Variants in PLA2G4A observed in about 807,000 individuals in gnomAD.
The protein encoded by PLA2G4A is cytosolic phospholipase A2.
PLA2G4A carries 40 observed loss-of-function variants against 81.9 expected under a neutral mutation model. That is an observed-to-expected ratio of 0.49 (90% CI 0.38 to 0.64). The LOEUF (loss-of-function observed/expected upper bound fraction) is 0.64, where lower values mean the gene tolerates loss of function less well. Among genes scored for constraint, PLA2G4A ranks in the 30% least tolerant of loss-of-function variants. PLA2G4A has a pLI of 0.00. For synonymous variants in PLA2G4A, 302 were observed against 296.9 expected, an observed-to-expected ratio of 1.02 and a Z score of -0.18; for missense variants, 715 against 905.1, an observed-to-expected ratio of 0.79 and a Z score of 2.69.
chr1:186,924,652 A>G (rs1031647549), intron 7 of PLA2G4A, among the ~76,000 whole-genome samples: 1 of 151,944 alleles, frequency 6.6e-6, no homozygotes, highest in Non-Finnish European at 1.5e-5. Context: ...GGCTCATGGC[A>G]GCCTTGACTT....
At chr1:186,850,126 A>G (rs1652321110) in intron 1 of PLA2G4A, among the ~76,000 whole-genome samples, 2 of 152,190 alleles carry the variant, frequency 1.3e-5, no homozygotes, top group Admixed American at 6.6e-5. Flanking sequence ...TGTTACCAGC[A>G]TTTAAACAAA....
chr1:186,906,441 A>T (rs189113181), intron 5 of PLA2G4A, among the ~76,000 whole-genome samples: 1 of 152,218 alleles, frequency 6.6e-6, no homozygotes, highest in Non-Finnish European at 1.5e-5. Context: ...AGTCAACTAC[A>T]GTTGGCTGGA....
At chr1:186,906,854 G>A in intron 5 of PLA2G4A, 111 bp from the exon 6 acceptor site, 1 of 651,814 alleles carries the variant, frequency 1.5e-6, no homozygotes, top group South Asian at 1.8e-5. Flanking sequence ...TTAGGGTTTT[G>A]TTTTTTTGAT....
At chr1:186,861,557 T>A (rs1307705798) in intron 2 of PLA2G4A, among the ~76,000 whole-genome samples, 1 of 152,222 alleles carries the variant, frequency 6.6e-6, no homozygotes, top group Non-Finnish European at 1.5e-5. Context: ...GATTACTTAA[T>A]CTGCTGTTAT....
At chr1:186,835,107 A>G (rs1268672205) in intron 1 of PLA2G4A, among the ~76,000 whole-genome samples, 1 of 152,216 alleles carries the variant, frequency 6.6e-6, no homozygotes, top group Non-Finnish European at 1.5e-5. Flanking sequence ...CACTAGAAAC[A>G]TTAGGTCAGC....
At chr1:186,854,152 G>A (rs2076075) in intron 1 of PLA2G4A, 134 bp from the exon 2 acceptor site, 73,733 of 519,930 alleles carry the variant, frequency 0.14, 7,602 homozygotes, top group East Asian at 0.46. Context: ...TAACCCATTC[G>A]TATACACAGG....
intron 1 of PLA2G4A, among the ~76,000 whole-genome samples, chr1:186,850,963 T>C (rs968030717): frequency 5.3e-5 from 8 of 152,052 alleles, no homozygotes; most frequent in African/African-American, 1.9e-4. Flanking sequence ...AAATATATAA[T>C]GTTATTAGTG....
chr1:186,895,298 T>C (rs1654295192), intron 5 of PLA2G4A, among the ~76,000 whole-genome samples: 1 of 152,232 alleles, frequency 6.6e-6, no homozygotes, highest in Admixed American at 6.5e-5. Context: ...AATGAGCTTC[T>C]TGACTAGTCC....
chr1:186,840,858 A>G (rs2102006526), intron 1 of PLA2G4A, among the ~76,000 whole-genome samples: 1 of 152,364 alleles, frequency 6.6e-6, no homozygotes, highest in East Asian at 1.9e-4. Flanking sequence ...CAGCAATTAA[A>G]GAGGGAGTGG....
chr1:186,910,719 C>G (rs994878552), intron 6 of PLA2G4A, among the ~76,000 whole-genome samples: 2 of 152,084 alleles, frequency 1.3e-5, no homozygotes, highest in Non-Finnish European at 2.9e-5. Flanking sequence ...ATGGTTATCT[C>G]AAGTTCTGTG....
At position 186,911,293 on chromosome 1, in the gene PLA2G4A, G is replaced by C. The variant is rs1462835651; in HGVS notation, c.462G>C (p.Glu154Asp). The C allele has an allele frequency of 6.2e-7, 1 of 1,611,036 alleles. No homozygotes were observed. Among genetic ancestry groups the C allele is most frequent in the South Asian group, 1.1e-5 (1 of 91,026 alleles). Reference sequence around the variant, plus strand: ...TTAGTATGGCTCTGTGTGATCAGGAGAAGACTTTCAGACAACAGAGAAAAG... The same window carrying C: ...TTAGTATGGCTCTGTGTGATCAGGACAAGACTTTCAGACAACAGAGAAAAG... ...LRFSMALCDQ[E>D]KTFRQQRKEH... Residue 154 changes from glutamate to aspartate, a missense_variant, in exon 7 of 18, where the codon GAG becomes GAC. Physicochemically the swap from Glu to Asp is conservative, Grantham distance 45. Coordinates refer to ENST00000367466, the MANE Select transcript of PLA2G4A (RefSeq NM_024420.3).
At chr1:186,847,414 C>A (rs889613492) in intron 1 of PLA2G4A, among the ~76,000 whole-genome samples, 2 of 150,414 alleles carry the variant, frequency 1.3e-5, no homozygotes, top group African/African-American at 4.9e-5. Context: ...TAATTCTGCC[C>A]GGTTTTGTCA....
intron 1 of PLA2G4A, among the ~76,000 whole-genome samples, chr1:186,834,095 T>C (rs12047121): frequency 6.6e-6 from 1 of 151,516 alleles, no homozygotes; most frequent in South Asian, 2.1e-4. Context: ...ACAAATGTCA[T>C]TAATATGTAT....
intron 13 of PLA2G4A, among the ~76,000 whole-genome samples, chr1:186,952,926 A>G (rs917750082): frequency 2.6e-5 from 4 of 152,134 alleles, no homozygotes; most frequent in Non-Finnish European, 4.4e-5. Flanking sequence ...AGGTTGTGCC[A>G]CAGTTTAGTT....
chr1:186,899,638 G>A (rs1333792844), intron 5 of PLA2G4A, among the ~76,000 whole-genome samples: 1 of 152,170 alleles, frequency 6.6e-6, no homozygotes, highest in Non-Finnish European at 1.5e-5. Context: ...AGATGTAAGA[G>A]TTCTGATGTT....
At position 186,939,115 on chromosome 1, in the gene PLA2G4A, C is replaced by T. The variant is rs1224929480; in HGVS notation, c.803C>T (p.Thr268Ile). ...AGCCACAATCCCCTTTTACTTCTCA[C>T]ACCACAGAAAGTTAAAAGATATGTT... ...NVSHNPLLLL[T>I]PQKVKRYVES... The change falls in exon 9 of 18, where the codon ACA becomes ATA. Residue 268 changes from threonine (T) to isoleucine (I), a missense_variant. Transcript: ENST00000367466. 1 of 1,606,480 alleles carries T rather than the reference C, an allele frequency of 6.2e-7. No individual in the cohort carries two copies. Among genetic ancestry groups the T allele is most frequent in the South Asian group, 1.1e-5 (1 of 90,928 alleles).
intron 5 of PLA2G4A, 55 bp from the exon 6 acceptor site, chr1:186,906,910 G>C (rs925634342): frequency 1.6e-5 from 14 of 868,572 alleles, no homozygotes; most frequent in Non-Finnish European, 2.7e-5. Flanking sequence ...TTGTTTCCAT[G>C]ATATAAACAC....
intron 1 of PLA2G4A, among the ~76,000 whole-genome samples, chr1:186,845,636 A>G (rs1415335432): frequency 6.6e-6 from 1 of 152,114 alleles, no homozygotes; most frequent in Non-Finnish European, 1.5e-5. Flanking sequence ...TTCCCGCCAC[A>G]TGCCACAACT....
At chr1:186,972,444 G>GA (rs1339006187) in intron 15 of PLA2G4A, among the ~76,000 whole-genome samples, 1 of 152,100 alleles carries the variant, frequency 6.6e-6, no homozygotes, top group Admixed American at 6.6e-5. Flanking sequence ...GAATTTAGGG[G>GA]AAAATGAAGG....
Sources: gnomAD v4.1 joint callset for allele counts (sites outside exome capture counted in the v4.1 genomes callset) on GRCh38, gnomAD v4.1.1 for gene constraint, MANE v1.5 for transcripts, NCBI Gene and HGNC (gene_info 2026-07-23, HGNC 2026-07-21) for gene names.